The following CRISPLD2 variants were observed in gnomAD, a reference collection of about 807,000 sequenced individuals.
The protein encoded by CRISPLD2 is cysteine-rich secretory protein LCCL domain-containing 2.
In CRISPLD2, 47 loss-of-function variants were observed where a neutral mutation model predicts 71.1. That is an observed-to-expected ratio of 0.66 (90% CI 0.52 to 0.84). The LOEUF is 0.84. CRISPLD2 is among the 40% of genes least tolerant of loss of function. CRISPLD2 has a pLI of 0.00. For missense variants in CRISPLD2, 830 were observed against 651.1 expected (o/e 1.27, Z -2.99); for synonymous variants, 317 against 250.1 (o/e 1.27, Z -2.52).
At chr16:84,834,638 T>G (rs192960798) in intron 1 of CRISPLD2, among the ~76,000 whole-genome samples, 1 of 152,168 alleles carries the variant, frequency 6.6e-6, no homozygotes. Context: ...ATCTGATGTG[T>G]GTTGGTCTGT....
intron 14 of CRISPLD2, among the ~76,000 whole-genome samples, chr16:84,901,468 CTT>C (rs564314509): frequency 0.19 from 22,458 of 118,460 alleles, 2,504 homozygotes; most frequent in East Asian, 0.41. Flanking sequence ...CCTGGCTGCA[CTT>C]TTTTTTTTTT....
At chr16:84,836,557 G>A (rs1916625782) in intron 1 of CRISPLD2, 4 of 152,172 alleles carry the variant, frequency 2.6e-5, no homozygotes, top group Admixed American at 2.6e-4. Context: ...TTTTGTCTGA[G>A]GCGCAGGCTC....
intron 6 of CRISPLD2, among the ~76,000 whole-genome samples, chr16:84,858,245 G>C (rs1404209805): frequency 1.3e-5 from 2 of 152,140 alleles, no homozygotes; most frequent in Non-Finnish European, 2.9e-5. Context: ...ACAGCAACCT[G>C]GACCTGTTGC....
At chr16:84,872,611 C>T in intron 9 of CRISPLD2, 103 bp downstream of exon 9, 1 of 1,012,478 alleles carries the variant, frequency 9.9e-7, no homozygotes. Context: ...CTTTCCACTC[C>T]TTAGTCAAAC....
intron 5 of CRISPLD2, 150 bp downstream of exon 5, chr16:84,850,833 T>C (rs1917068612): frequency 4.7e-6 from 3 of 643,776 alleles, no homozygotes; most frequent in Admixed American, 2.4e-5. Flanking sequence ...GTTAGCGTAA[T>C]AGCTAAGCAG....
chr16:84,892,517 G>A (rs1355487714), intron 14 of CRISPLD2, among the ~76,000 whole-genome samples: 2 of 152,164 alleles, frequency 1.3e-5, no homozygotes, highest in African/African-American at 2.4e-5. Flanking sequence ...CCCAACCCTT[G>A]AGATTCTCAG....
chr16:84,834,663 C>T (rs1916571880), intron 1 of CRISPLD2, among the ~76,000 whole-genome samples: 1 of 152,216 alleles, frequency 6.6e-6, no homozygotes, highest in African/African-American at 2.4e-5. Flanking sequence ...CCGGCTACAG[C>T]AAAGTACCAC....
chr16:84,827,253 T>C (rs117249060), intron 1 of CRISPLD2, among the ~76,000 whole-genome samples: 2,116 of 152,248 alleles, frequency 0.014, 14 homozygotes, highest in South Asian at 0.029. Flanking sequence ...GCCCCTTCTG[T>C]TGGTTGAGCA....
intron 4 of CRISPLD2, 47 bp from the exon 5 acceptor site, chr16:84,850,521 T>G (rs1917056873): frequency 2.0e-6 from 3 of 1,528,796 alleles, no homozygotes; most frequent in East Asian, 2.3e-5. Context: ...TATCACCCTT[T>G]TGTGCCTTAT....
intron 14 of CRISPLD2, among the ~76,000 whole-genome samples, chr16:84,903,466 C>T (rs930201687): frequency 6.6e-6 from 1 of 152,184 alleles, no homozygotes; most frequent in East Asian, 1.9e-4. Context: ...GTGGCGCATG[C>T]CTGTAATTCC....
chr16:84,838,738 G>A lies in CRISPLD2; in HGVS notation c.240+3G>A, dbSNP rs557361667. 2.6e-4 allele frequency: 417 copies of A among 1,611,738 alleles called. 1 individual carries two copies. The South Asian group carries it at 4.2e-3, about 16-fold the overall frequency. On this transcript the variant is annotated splice_donor_region_variant and intron_variant, in intron 2 of 14. Transcript: ENST00000262424. ...AGGCCTCCAACATGGAGTACATGGT[G>A]AGCGCCGGCTCCGGCCGCAGAGGCT...
chr16:84,866,798 C>A, intron 6 of CRISPLD2, 99 bp from the exon 7 acceptor site: 3 of 1,178,398 alleles, frequency 2.5e-6, no homozygotes, highest in Non-Finnish European at 2.4e-6. Flanking sequence ...AAAACCAAAC[C>A]TCAAACACGT....
intron 14 of CRISPLD2, among the ~76,000 whole-genome samples, chr16:84,891,546 C>G (rs1170584886): frequency 2.0e-5 from 3 of 152,204 alleles, no homozygotes; most frequent in Non-Finnish European, 2.9e-5. Flanking sequence ...GGAAATGAAG[C>G]AGCTGATTAG....
At chr16:84,849,008 GGACTCATT>G (rs1221391079) in intron 3 of CRISPLD2, among the ~76,000 whole-genome samples, 1 of 141,074 alleles carries the variant, frequency 7.1e-6, no homozygotes, top group Non-Finnish European at 1.6e-5. Context: ...AAAAAAGAAA[GGACTCATT>G]AAGAGCCAGG....
chr16:84,859,950 C>G lies in CRISPLD2; in HGVS notation c.709+5121C>G, dbSNP rs557462337. Among the ~76,000 whole-genome samples the G allele has an allele frequency of 3.3e-5, 5 of 152,336 alleles. No homozygotes were observed. The South Asian group carries it at 6.2e-4, about 19-fold the overall frequency. On this transcript the variant is annotated intron_variant, in intron 6 of 14. Coordinates refer to ENST00000262424, the MANE Select transcript of CRISPLD2 (RefSeq NM_031476.4). ...TCTGACATACAGAAAAAAGCAATTA[C>G]AAAGATGCAGGTGCTGCCTTTACAA...
chr16:84,861,436 G>C (rs769539975), intron 6 of CRISPLD2, among the ~76,000 whole-genome samples: 87 of 152,166 alleles, frequency 5.7e-4, no homozygotes, highest in Non-Finnish European at 9.6e-4. Context: ...GAGTCCCAAA[G>C]CTAAAGAACT....
chr16:84,858,214 C>T (rs1237438102), intron 6 of CRISPLD2, among the ~76,000 whole-genome samples: 1 of 152,150 alleles, frequency 6.6e-6, no homozygotes, highest in African/African-American at 2.4e-5. Context: ...GTCGTATGGC[C>T]CAAGTGGTAG....
At chr16:84,843,411 A>G (rs1340362018) in intron 2 of CRISPLD2, among the ~76,000 whole-genome samples, 1 of 152,176 alleles carries the variant, frequency 6.6e-6, no homozygotes, top group Non-Finnish European at 1.5e-5. Flanking sequence ...CTTAGCACTG[A>G]AAGGTGGATT....
In CRISPLD2 at chr16:84,866,890, T is replaced by A; in HGVS notation, c.710-7T>A. On this transcript the variant is annotated splice_polypyrimidine_tract_variant and splice_region_variant and intron_variant, in intron 6 of 14. Coordinates refer to ENST00000262424, the MANE Select transcript of CRISPLD2 (RefSeq NM_031476.4). ...GTTATTTTTTTTCCTCCCTCTCCAATGTTAAGAAGAAACCTACACTCCAAA... is the reference window on the plus strand; with the variant it reads ...GTTATTTTTTTTCCTCCCTCTCCAAAGTTAAGAAGAAACCTACACTCCAAA... 1 of 1,610,556 alleles carries A rather than the reference T, an allele frequency of 6.2e-7. No homozygotes were observed.
Sources: allele counts gnomAD v4.1 joint callset (sites outside exome capture counted in the v4.1 genomes callset), GRCh38; gene constraint gnomAD v4.1.1; transcripts MANE v1.5; gene names NCBI Gene and HGNC (gene_info 2026-07-23, HGNC 2026-07-21).